The following PKD1L1 variants were observed in gnomAD, a reference collection of about 807,000 sequenced individuals.
PKD1L1 encodes polycystin 1 like 1, transient receptor potential channel interacting, also known as polycystin-1-like protein 1.
PKD1L1 carries 236 observed loss-of-function variants against 323.4 expected under a neutral mutation model. The observed-to-expected ratio is 0.73, with a 90% CI of 0.66 to 0.81. PKD1L1 has a LOEUF of 0.81. PKD1L1 is among the 40% of genes least tolerant of loss of function. The probability of loss-of-function intolerance (pLI) is 0.00; values close to 1 mark genes in which losing one functional copy is unlikely to be tolerated. For missense variants in PKD1L1, 3,320 were observed against 3,508.0 expected, an observed-to-expected ratio of 0.95 and a Z score of 1.35; for synonymous variants, 1,344 against 1,335.0, an observed-to-expected ratio of 1.01 and a Z score of -0.15.
chr7:47,876,061 G>C, intron 23 of PKD1L1, 36 bp downstream of exon 23: 6 of 1,607,296 alleles, frequency 3.7e-6, no homozygotes, highest in Non-Finnish European at 5.1e-6. Context: ...CTGTAGGTTG[G>C]CACAGCTAGT....
chr7:47,905,733 C>A, intron 10 of PKD1L1, 110 bp downstream of exon 10: 1 of 1,436,496 alleles, frequency 7.0e-7, no homozygotes, highest in East Asian at 2.4e-5. Flanking sequence ...ACAAATGGGG[C>A]TCTCCAGCAG....
At chr7:47,850,729 C>G (rs1480891608) in intron 31 of PKD1L1, among the ~76,000 whole-genome samples, 1 of 151,166 alleles carries the variant, frequency 6.6e-6, no homozygotes. Flanking sequence ...AGCAAAAACC[C>G]ACAGAGAAAA....
At chr7:47,958,823 CCCACGGTCTCCCTCTCCCTCTCTTT>C in the PKD1L1 span, among the ~76,000 whole-genome samples, 22 of 151,996 alleles carry the variant, frequency 1.4e-4, no homozygotes, top group African/African-American at 5.1e-4. Flanking sequence ...TCTCCCTCTC[CCCACGGTCTCCCTCTCCCTCTCTTT>C]CCACGGTCTC....
At chr7:47,788,577 A>ATATATTATT (rs939251075) in intron 56 of PKD1L1, among the ~76,000 whole-genome samples, 135 of 138,072 alleles carry the variant, frequency 9.8e-4, no homozygotes, top group Middle Eastern at 7.7e-3. Context: ...ATATATATAT[A>ATATATTATT]TTTTTTTTTT....
intron 24 of PKD1L1, among the ~76,000 whole-genome samples, chr7:47,871,467 G>A (rs1583635693): frequency 1.3e-5 from 2 of 152,238 alleles, no homozygotes; most frequent in South Asian, 4.1e-4. Context: ...GGGACAGAAC[G>A]ACCAAAGAGG....
chr7:47,814,582 T>C (rs1047170921), intron 47 of PKD1L1, among the ~76,000 whole-genome samples: 1 of 152,136 alleles, frequency 6.6e-6, no homozygotes, highest in Admixed American at 6.6e-5. Context: ...AGTGGCATGA[T>C]CTTGGCTCAC....
At chr7:47,821,221 G>T in intron 45 of PKD1L1, 35 bp from the exon 46 acceptor site, 3 of 1,334,166 alleles carry the variant, frequency 2.2e-6, no homozygotes, top group Non-Finnish European at 3.2e-6. Flanking sequence ...CATCCATACA[G>T]ACCCTGTATG....
chr7:47,787,107 C>T (rs575792204), intron 56 of PKD1L1, among the ~76,000 whole-genome samples: 4 of 152,150 alleles, frequency 2.6e-5, no homozygotes, highest in Admixed American at 6.5e-5. Context: ...GAAATTCAAA[C>T]GAATTGTTTC....
chr7:47,924,908 T>G (rs2128754369), intron 7 of PKD1L1, among the ~76,000 whole-genome samples: 1 of 152,254 alleles, frequency 6.6e-6, no homozygotes, highest in East Asian at 1.9e-4. Context: ...GCCATTGTAA[T>G]TAAACAAGAG....
At chr7:47,811,771 A>T (rs1172977963) in intron 50 of PKD1L1, 46 bp downstream of exon 50, 1 of 1,490,616 alleles carries the variant, frequency 6.7e-7, no homozygotes, top group East Asian at 2.4e-5. Flanking sequence ...GTGAAGCCCC[A>T]TCTTCCTGTG....
intron 3 of PKD1L1, among the ~76,000 whole-genome samples, chr7:47,939,892 A>G (rs1787948594): frequency 6.9e-6 from 1 of 145,252 alleles, no homozygotes; most frequent in Non-Finnish European, 1.5e-5. Flanking sequence ...GGCAGCCCCT[A>G]CTCCCCACCT....
intron 8 of PKD1L1, among the ~76,000 whole-genome samples, chr7:47,911,851 A>AAC (rs147466911): frequency 1.0e-3 from 156 of 150,708 alleles, no homozygotes; most frequent in Admixed American, 3.9e-3. Context: ...GTGTGTACGC[A>AAC]ACACACACAC....
rs1484905811 is a variant in PKD1L1, at chr7:47,915,319, A to G, written c.1228+113T>C. On this transcript the variant is annotated intron_variant, in intron 8 of 56. Coordinates refer to ENST00000289672, the MANE Select transcript of PKD1L1 (RefSeq NM_138295.5). ...ACACACAGGACACCGTAGCCCATAG[A>G]GTGTATAGCCAATCACTAATCAATG... 4.0e-5 allele frequency: 26 copies of G among 652,274 alleles called. No homozygotes were observed. In the East Asian group the frequency reaches 5.8e-4, roughly 14 times the overall value. 40.4% of individuals were successfully genotyped at this position (652,274 alleles called of 1,614,324 possible).
Position 47,858,904 on chromosome 7 carries a change from T to C in PKD1L1, c.4150-19A>G, listed in dbSNP as rs1233673321. ...AGCCTAGCTGCATGAACAGAAAAGA[T>C]GTAAATAAAATGCCTGGCCTTGAGC... On this transcript the variant is annotated intron_variant, in intron 26 of 56. Coordinates refer to ENST00000289672, the MANE Select transcript of PKD1L1 (RefSeq NM_138295.5). 2 of 1,609,626 alleles carry C rather than the reference T, an allele frequency of 1.2e-6. No individual in the cohort carries two copies. The highest frequency in any genetic ancestry group is 1.7e-5 in the Admixed American group (1 of 59,820).
intron 1 of PKD1L1, 77 bp downstream of exon 1, chr7:47,948,320 G>T: frequency 1.3e-6 from 2 of 1,544,552 alleles, no homozygotes; most frequent in South Asian, 2.2e-5. Flanking sequence ...TAGAGGTGAT[G>T]ACTTTTGAAA....
Position 47,931,885 on chromosome 7 carries a change from G to A in PKD1L1, c.519+51C>T, listed in dbSNP as rs762919815. ...TGAGTCTCCCCCATATGCATCAGAT[G>A]CTCACCAGCAGCTTTCTGATGAAAT... On this transcript the variant is annotated intron_variant, in intron 5 of 56. Transcript: ENST00000289672. 6.3e-6 allele frequency: 10 copies of A among 1,577,756 alleles called. No homozygotes were observed. The African/African-American group carries it at 6.8e-5, about 11-fold the overall frequency.
At chr7:47,908,349 A>G in intron 8 of PKD1L1, 99 bp from the exon 9 acceptor site, 1 of 1,125,586 alleles carries the variant, frequency 8.9e-7, no homozygotes, top group Non-Finnish European at 1.3e-6. Flanking sequence ...TTAATATGGG[A>G]ACTGATACAG....
chr7:47,894,084 G>A (rs374125362), intron 14 of PKD1L1, 25 bp from the exon 15 acceptor site: 3 of 1,526,890 alleles, frequency 2.0e-6, no homozygotes, highest in East Asian at 2.3e-5. Flanking sequence ...AAGGACAGGG[G>A]ATGTCATGCA....
intron 6 of PKD1L1, among the ~76,000 whole-genome samples, chr7:47,930,125 G>A (rs545845261): frequency 2.6e-5 from 4 of 152,242 alleles, no homozygotes; most frequent in South Asian, 2.1e-4. Context: ...GTACCATTAC[G>A]TGGCATAAAC....
Sources: allele counts gnomAD v4.1 joint callset (sites outside exome capture counted in the v4.1 genomes callset), GRCh38; gene constraint gnomAD v4.1.1; transcripts MANE v1.5; gene names NCBI Gene and HGNC (gene_info 2026-07-23, HGNC 2026-07-21).